Variants in LRRC7 observed in about 807,000 individuals in gnomAD.
LRRC7 encodes the protein leucine-rich repeat-containing protein 7.
A neutral mutation model predicts 175.7 loss-of-function variants in LRRC7; 23 were observed. That is an observed-to-expected ratio of 0.13 (90% CI 0.09 to 0.19). The LOEUF (loss-of-function observed/expected upper bound fraction) is 0.19, where lower values mean the gene tolerates loss of function less well. LRRC7 is among the 10% of genes least tolerant of loss of function. The pLI is 1.00. For missense variants in LRRC7, 1,354 were observed against 1,904.7 expected (o/e 0.71, Z 5.38); for synonymous variants, 685 against 680.9 (o/e 1.01, Z -0.09).
chr1:69,573,051 C>T (rs1645802391), intron 1 of LRRC7, among the ~76,000 whole-genome samples: 1 of 152,110 alleles, frequency 6.6e-6, no homozygotes, highest in Non-Finnish European at 1.5e-5. Context: ...TACCATAGTA[C>T]CTGAACTGTA....
At chr1:70,040,991 A>G (rs1489218712) in intron 21 of LRRC7, among the ~76,000 whole-genome samples, 1 of 152,156 alleles carries the variant, frequency 6.6e-6, no homozygotes, top group East Asian at 1.9e-4. Context: ...CATTCAGTGT[A>G]CTTTGTGGCT....
intron 8 of LRRC7, among the ~76,000 whole-genome samples, chr1:69,963,305 CAAAA>C: frequency 9.4e-6 from 1 of 106,268 alleles, no homozygotes; most frequent in African/African-American, 3.2e-5. Context: ...GACACCGTCT[CAAAA>C]AAAAAAAAAA....
At chr1:69,797,834 A>G (rs1675972204) in intron 4 of LRRC7, among the ~76,000 whole-genome samples, 1 of 152,328 alleles carries the variant, frequency 6.6e-6, no homozygotes, top group Non-Finnish European at 1.5e-5. Context: ...ACACAGAATT[A>G]AAAGTACCCG....
intron 1 of LRRC7, among the ~76,000 whole-genome samples, chr1:69,600,788 G>A (rs988273678): frequency 7.8e-6 from 1 of 127,466 alleles, no homozygotes; most frequent in African/African-American, 2.8e-5. Flanking sequence ...TTTCTCCAAG[G>A]ATCTCTGGTT....
Position 70,132,809 on chromosome 1 carries a change from G to A in LRRC7, c.*10922G>A, listed in dbSNP as rs17131224. On this transcript the variant is annotated 3_prime_UTR_variant, in exon 27 of 27. Transcript: ENST00000651989. ...ATAAAGACTAATGTCAGACAGTGTG[G>A]CTACAGGTAAAAGCTCTGTGGAGAA... Among the ~76,000 whole-genome samples the A allele has an allele frequency of 0.025, 3,760 of 152,116 alleles. 95 individuals carry two copies. The highest frequency in any genetic ancestry group is 0.068 in the African/African-American group (2,805 of 41,474).
intron 3 of LRRC7, among the ~76,000 whole-genome samples, chr1:69,774,441 A>G (rs1411981773): frequency 6.6e-6 from 1 of 152,232 alleles, no homozygotes; most frequent in Admixed American, 6.5e-5. Flanking sequence ...CATAGGATGA[A>G]CAAATCTAGA....
intron 24 of LRRC7, among the ~76,000 whole-genome samples, chr1:70,089,231 C>A (rs972033036): frequency 6.6e-6 from 1 of 152,054 alleles, no homozygotes; most frequent in Admixed American, 6.6e-5. Flanking sequence ...TATTCCTAAA[C>A]AAAGAATTAT....
intron 23 of LRRC7, among the ~76,000 whole-genome samples, chr1:70,074,190 A>T (rs1662600243): frequency 6.6e-6 from 1 of 151,700 alleles, no homozygotes; most frequent in African/African-American, 2.4e-5. Flanking sequence ...CAACAGAAAA[A>T]AGACTCCATT....
At chr1:69,743,927 T>A (rs193012807) in intron 2 of LRRC7, among the ~76,000 whole-genome samples, 134 of 151,938 alleles carry the variant, frequency 8.8e-4, no homozygotes, top group African/African-American at 2.8e-3. Context: ...ATTATATGTA[T>A]TCACTATACT....
intron 25 of LRRC7, among the ~76,000 whole-genome samples, chr1:70,091,665 A>T (rs1664043066): frequency 6.6e-6 from 1 of 152,216 alleles, no homozygotes; most frequent in Non-Finnish European, 1.5e-5. Flanking sequence ...CACTGTGATG[A>T]ATATGAACAC....
chr1:70,082,781 ATTTT>A lies in LRRC7; in HGVS notation c.4452+6511_4452+6514del, dbSNP rs1172403797. Among the ~76,000 whole-genome samples the A allele has an allele frequency of 2.6e-3, 138 of 52,290 alleles. 25 individuals are homozygous for A. The highest frequency in any genetic ancestry group is 5.0e-3 in the South Asian group (6 of 1,192). 34.3% of individuals were successfully genotyped at this position (52,290 alleles called of 152,430 possible). On this transcript the variant is annotated intron_variant, in intron 24 of 26. Transcript: ENST00000651989. ...TATTAGTCAATCTTGATACCAGTACATTTTTTTTTTTTTTTTTTTTTTTTTTTTT... is the reference window on the plus strand; with the variant it reads ...TATTAGTCAATCTTGATACCAGTACATTTTTTTTTTTTTTTTTTTTTTTTT...
intron 7 of LRRC7, among the ~76,000 whole-genome samples, chr1:69,906,735 C>T (rs576434840): frequency 2.5e-4 from 38 of 152,076 alleles, no homozygotes; most frequent in South Asian, 1.0e-3. Context: ...ATTGACTTGG[C>T]GATGAGGGCT....
chr1:69,637,035 T>C (rs1331350709), intron 1 of LRRC7, among the ~76,000 whole-genome samples: 5 of 151,368 alleles, frequency 3.3e-5, no homozygotes, highest in Non-Finnish European at 5.9e-5. Context: ...TTCGTATTAG[T>C]TGGGAAACTC....
chr1:69,738,944 C>A (rs1375659681), intron 2 of LRRC7, among the ~76,000 whole-genome samples: 1 of 151,932 alleles, frequency 6.6e-6, no homozygotes, highest in East Asian at 1.9e-4. Flanking sequence ...GTGAGAAACC[C>A]CTTAAAGAGG....
intron 3 of LRRC7, among the ~76,000 whole-genome samples, chr1:69,783,375 G>A (rs1673999816): frequency 6.6e-6 from 1 of 152,210 alleles, no homozygotes; most frequent in South Asian, 2.1e-4. Context: ...GAAATAGAAA[G>A]TCCAGAAACT....
rs139753942 is a variant in LRRC7, at chr1:69,944,573, G to C, written c.711+13003G>C. ...GTAGTTTTATTTTTAATTTTTTGAA[G>C]AAACTTCATATTGTTTTCCATAATG... On this transcript the variant is annotated intron_variant, in intron 8 of 26. Transcript: ENST00000651989. Among the ~76,000 whole-genome samples, 61 of 152,100 alleles carry C rather than the reference G, an allele frequency of 4.0e-4. No homozygotes were observed. In the East Asian group the frequency reaches 0.011, roughly 27 times the overall value.
intron 25 of LRRC7, among the ~76,000 whole-genome samples, chr1:70,092,321 A>G (rs1176063279): frequency 6.6e-6 from 1 of 152,210 alleles, no homozygotes; most frequent in Non-Finnish European, 1.5e-5. Flanking sequence ...AGCCTGAGGT[A>G]GACTTATAAG....
intron 7 of LRRC7, chr1:69,919,525 C>A: frequency 1.2e-6 from 1 of 809,724 alleles, no homozygotes; most frequent in Non-Finnish European, 2.1e-6. Context: ...CAGGGTCCGC[C>A]GCTCGCACCT....
intron 1 of LRRC7, among the ~76,000 whole-genome samples, chr1:69,665,190 C>G (rs954958328): frequency 3.3e-5 from 5 of 152,034 alleles, no homozygotes; most frequent in South Asian, 4.1e-4. Context: ...CAGTGAAATG[C>G]CATTTTGTTT....
Sources: allele counts gnomAD v4.1 joint callset (sites outside exome capture counted in the v4.1 genomes callset), GRCh38; gene constraint gnomAD v4.1.1; transcripts MANE v1.5; gene names NCBI Gene and HGNC (gene_info 2026-07-23, HGNC 2026-07-21).